Variants in CSMD3 observed in about 807,000 individuals in gnomAD.
CSMD3 encodes the protein CUB and sushi domain-containing protein 3.
A neutral mutation model predicts 435.2 loss-of-function variants in CSMD3; 177 were observed. The observed-to-expected ratio is 0.41, with a 90% confidence interval of 0.36 to 0.46. The LOEUF (loss-of-function observed/expected upper bound fraction) is 0.46. Ranked by LOEUF, CSMD3 falls within the 20% of genes least tolerant of loss-of-function variation. CSMD3 has a pLI of 0.34. For synonymous variants in CSMD3, 1,656 were observed against 1,520.5 expected (o/e 1.09, Z -2.07); for missense variants, 4,265 against 4,504.6 (o/e 0.95, Z 1.52).
chr8:112,359,429 A>G (rs2131104675), intron 38 of CSMD3, among the ~76,000 whole-genome samples: 1 of 152,310 alleles, frequency 6.6e-6, no homozygotes, highest in South Asian at 2.1e-4. Flanking sequence ...AAAGCTCCAG[A>G]AGGGCCGTTA....
chr8:112,765,354 A>C (rs1056982067), intron 13 of CSMD3, among the ~76,000 whole-genome samples: 5 of 151,632 alleles, frequency 3.3e-5, no homozygotes, highest in African/African-American at 1.2e-4. Flanking sequence ...AGAAGGAATT[A>C]GTGAGAGTCA....
At chr8:113,106,407 G>A (rs1361284773) in intron 4 of CSMD3, among the ~76,000 whole-genome samples, 2 of 152,058 alleles carry the variant, frequency 1.3e-5, no homozygotes, top group African/African-American at 4.8e-5. Flanking sequence ...CATGGCAATA[G>A]AAACTATTCA....
At chr8:112,674,940 G>A (rs973147830) in intron 16 of CSMD3, among the ~76,000 whole-genome samples, 3 of 152,034 alleles carry the variant, frequency 2.0e-5, no homozygotes, top group Non-Finnish European at 2.9e-5. Flanking sequence ...ACAGATATAC[G>A]GATTAGATAG....
At chr8:113,174,904 C>A (rs997735403) in intron 3 of CSMD3, among the ~76,000 whole-genome samples, 3 of 151,770 alleles carry the variant, frequency 2.0e-5, no homozygotes, top group African/African-American at 7.2e-5. Flanking sequence ...GGCCATTTTA[C>A]TGCAGTTCCA....
chr8:112,412,900 G>A (rs1242292674), intron 32 of CSMD3, among the ~76,000 whole-genome samples: 1 of 152,024 alleles, frequency 6.6e-6, no homozygotes, highest in Non-Finnish European at 1.5e-5. Context: ...TTCCACCCAT[G>A]AAAAGATGTT....
intron 12 of CSMD3, among the ~76,000 whole-genome samples, chr8:112,813,632 A>G (rs2132399352): frequency 6.6e-6 from 1 of 152,270 alleles, no homozygotes; most frequent in South Asian, 2.1e-4. Flanking sequence ...GGAAGAAAAT[A>G]CATGCACAAA....
intron 1 of CSMD3, among the ~76,000 whole-genome samples, chr8:113,317,483 C>G (rs1299953033): frequency 2.0e-5 from 3 of 152,116 alleles, no homozygotes; most frequent in African/African-American, 7.2e-5. Context: ...TCATGGATTT[C>G]GAGTACTTTT....
chr8:112,336,936 A>G lies in CSMD3; in HGVS notation c.6842-107T>C. On this transcript the variant is annotated intron_variant, in intron 43 of 70. Coordinates refer to ENST00000297405, the MANE Select transcript of CSMD3 (RefSeq NM_198123.2). ...ATCTTAAGCATTATGAAACACATTT[A>G]TGCCTTGTTTTTACTTCAGTTGAGG... 3.2e-6 allele frequency: 3 copies of G among 949,958 alleles called. No individual in the cohort carries two copies. The South Asian group carries it at 4.2e-5, about 13-fold the overall frequency. The allele number at this position is 949,958 out of a possible 1,614,324, so 58.8% of individuals were successfully genotyped here.
chr8:112,762,488 ATT>A (rs2077864913), intron 13 of CSMD3, among the ~76,000 whole-genome samples: 1 of 151,914 alleles, frequency 6.6e-6, no homozygotes. Flanking sequence ...CCTGACTTCT[ATT>A]TAATTAAATT....
At chr8:112,331,656 T>C (rs764530996) in intron 45 of CSMD3, among the ~76,000 whole-genome samples, 17 of 151,934 alleles carry the variant, frequency 1.1e-4, no homozygotes, top group Non-Finnish European at 2.4e-4. Flanking sequence ...CACAAAAATA[T>C]TGAACTGTCA....
chr8:112,523,109 G>A (rs944086406), intron 27 of CSMD3, among the ~76,000 whole-genome samples: 1 of 151,850 alleles, frequency 6.6e-6, no homozygotes, highest in South Asian at 2.1e-4. Flanking sequence ...CGACTTTTTG[G>A]TATAAACTTG....
intron 5 of CSMD3, among the ~76,000 whole-genome samples, chr8:113,068,617 G>A (rs897380492): frequency 3.3e-5 from 5 of 151,990 alleles, no homozygotes; most frequent in African/African-American, 9.7e-5. Context: ...TTTACACTAC[G>A]GAAGTACAAA....
chr8:112,563,529 G>A (rs16883823), intron 24 of CSMD3, among the ~76,000 whole-genome samples: 2,441 of 151,512 alleles, frequency 0.016, 71 homozygotes, highest in African/African-American at 0.055. Flanking sequence ...AATATTAAAC[G>A]GGCTAAGTTT....
chr8:112,313,048 C>A (rs1822133090), intron 49 of CSMD3, among the ~76,000 whole-genome samples: 1 of 152,090 alleles, frequency 6.6e-6, no homozygotes, highest in African/African-American at 2.4e-5. Flanking sequence ...TTAGAATGGT[C>A]TCTGACGTGA....
intron 38 of CSMD3, among the ~76,000 whole-genome samples, chr8:112,371,424 G>A (rs1420316993): frequency 6.6e-6 from 1 of 151,992 alleles, no homozygotes; most frequent in Non-Finnish European, 1.5e-5. Context: ...CTGGGGAGTG[G>A]CACAAGGAGC....
intron 3 of CSMD3, among the ~76,000 whole-genome samples, chr8:113,210,838 G>T (rs144780953): frequency 3.3e-5 from 5 of 151,604 alleles, no homozygotes; most frequent in Admixed American, 3.3e-4. Flanking sequence ...CAAGAGCACC[G>T]CTGCACTCTA....
intron 22 of CSMD3, among the ~76,000 whole-genome samples, chr8:112,596,468 G>A (rs1831732637): frequency 6.6e-6 from 1 of 152,048 alleles, no homozygotes; most frequent in Non-Finnish European, 1.5e-5. Flanking sequence ...GAGACAGAAA[G>A]TTAACTAAGA....
chr8:113,015,143 T>G (rs1197494575), intron 6 of CSMD3, among the ~76,000 whole-genome samples: 1 of 152,106 alleles, frequency 6.6e-6, no homozygotes, highest in Non-Finnish European at 1.5e-5. Flanking sequence ...AGTTACTTGT[T>G]TTTGACTGAA....
chr8:113,049,017 T>C (rs764869765), intron 5 of CSMD3, among the ~76,000 whole-genome samples: 10 of 152,058 alleles, frequency 6.6e-5, no homozygotes, highest in Non-Finnish European at 1.5e-4. Flanking sequence ...GGCAAGCAGA[T>C]CACTTGAGGT....
Sources: gnomAD v4.1 joint callset for allele counts (sites outside exome capture counted in the v4.1 genomes callset) on GRCh38, gnomAD v4.1.1 for gene constraint, MANE v1.5 for transcripts, NCBI Gene and HGNC (gene_info 2026-07-23, HGNC 2026-07-21) for gene names.